Variants in ADAM12 observed in about 807,000 individuals in gnomAD.
ADAM12 encodes ADAM metallopeptidase domain 12.
In ADAM12, 70 loss-of-function variants were observed where a neutral mutation model predicts 106.4. The observed-to-expected ratio is 0.66, with a 90% CI of 0.54 to 0.80. The LOEUF (loss-of-function observed/expected upper bound fraction) is 0.80, where lower values mean the gene tolerates loss of function less well. Ranked by LOEUF, ADAM12 falls within the 30% of genes least tolerant of loss-of-function variation. The pLI is 0.00. For missense variants in ADAM12, 1,010 were observed against 1,171.9 expected, an observed-to-expected ratio of 0.86 and a Z score of 2.02; for synonymous variants, 420 against 433.5, an observed-to-expected ratio of 0.97 and a Z score of 0.39.
intron 14 of ADAM12, among the ~76,000 whole-genome samples, chr10:126,051,536 C>CCCAT (rs61278142): frequency 0.088 from 10,465 of 118,644 alleles, 728 homozygotes; most frequent in Non-Finnish European, 0.13. Context: ...CAGCCAGCCA[C>CCCAT]CCATCCATCC....
intron 3 of ADAM12, among the ~76,000 whole-genome samples, chr10:126,194,664 A>G (rs1957564629): frequency 6.6e-6 from 1 of 152,246 alleles, no homozygotes; most frequent in African/African-American, 2.4e-5. Flanking sequence ...AGACCACTCA[A>G]TTGAAGGATA....
intron 6 of ADAM12, among the ~76,000 whole-genome samples, chr10:126,113,729 T>A (rs540057540): frequency 0.014 from 447 of 31,780 alleles, 17 homozygotes; most frequent in African/African-American, 0.059. Flanking sequence ...TATATATATA[T>A]ATAATATATT....
intron 17 of ADAM12, among the ~76,000 whole-genome samples, chr10:126,044,162 C>T (rs1954253117): frequency 6.6e-6 from 1 of 151,948 alleles, no homozygotes; most frequent in Non-Finnish European, 1.5e-5. Flanking sequence ...CAAGTCCAGG[C>T]ACGGTGGCTC....
At chr10:126,347,673 T>C (rs1855198627) in intron 1 of ADAM12, among the ~76,000 whole-genome samples, 1 of 152,266 alleles carries the variant, frequency 6.6e-6, no homozygotes, top group Non-Finnish European at 1.5e-5. Context: ...CATTTACTTA[T>C]CACTGAAATT....
At chr10:126,038,476 G>A in intron 19 of ADAM12, 127 bp from the exon 20 acceptor site, 4 of 646,024 alleles carry the variant, frequency 6.2e-6, no homozygotes, top group Non-Finnish European at 7.6e-6. Context: ...AACATGCAAA[G>A]GAAAAATTAC....
At chr10:126,229,630 C>T (rs369335733) in intron 3 of ADAM12, among the ~76,000 whole-genome samples, 5 of 129,752 alleles carry the variant, frequency 3.9e-5, no homozygotes, top group Non-Finnish European at 6.4e-5. Flanking sequence ...CCCTCTCCCC[C>T]TCTCTTCCTC....
At chr10:126,304,534 A>G (rs1055667339) in intron 2 of ADAM12, among the ~76,000 whole-genome samples, 27 of 152,282 alleles carry the variant, frequency 1.8e-4, no homozygotes, top group African/African-American at 5.0e-4. Flanking sequence ...CACTATAAGT[A>G]TAACAATGCA....
chr10:126,124,917 A>AAAAAAAAAAT, intron 5 of ADAM12, among the ~76,000 whole-genome samples: 1 of 151,074 alleles, frequency 6.6e-6, no homozygotes, highest in African/African-American at 2.4e-5. Context: ...AAAAAGAAAA[A>AAAAAAAAAAT]GAAAAGTGTT....
At chr10:126,318,315 C>T (rs1202985260) in intron 2 of ADAM12, among the ~76,000 whole-genome samples, 1 of 152,016 alleles carries the variant, frequency 6.6e-6, no homozygotes, top group Non-Finnish European at 1.5e-5. Context: ...CACCCACACA[C>T]TCACATATAC....
Position 126,039,284 on chromosome 10 carries a change from C to A in ADAM12, c.2240+10G>T, listed in dbSNP as rs772071053. 4 of 1,613,350 alleles carry A rather than the reference C, an allele frequency of 2.5e-6. No individual in the cohort carries two copies. In the African/African-American group the frequency reaches 5.3e-5, roughly 22 times the overall value. On this transcript the variant is annotated intron_variant, in intron 19 of 22. Coordinates refer to ENST00000448723, the MANE Select transcript of ADAM12 (RefSeq NM_001288973.2). ...TTTCTAGAACAGATGACAAGCTAAA[C>A]CCAGGGTACCTTAGTTTTTCAATGG...
chr10:126,168,794 G>A (rs1189128515), intron 3 of ADAM12, among the ~76,000 whole-genome samples: 1 of 152,036 alleles, frequency 6.6e-6, no homozygotes, highest in Non-Finnish European at 1.5e-5. Context: ...TGGCTCACAC[G>A]GGAATCCTAG....
intron 2 of ADAM12, among the ~76,000 whole-genome samples, chr10:126,287,741 C>T (rs1959938239): frequency 6.6e-6 from 1 of 152,100 alleles, no homozygotes; most frequent in Admixed American, 6.5e-5. Context: ...ACATCACCAC[C>T]TCAGAGAAGT....
chr10:126,151,228 T>C (rs1956723909), intron 4 of ADAM12, among the ~76,000 whole-genome samples: 1 of 152,192 alleles, frequency 6.6e-6, no homozygotes, highest in Non-Finnish European at 1.5e-5. Flanking sequence ...TGGATAATTT[T>C]ATTAAAAATC....
At chr10:126,387,931 C>G in intron 1 of ADAM12, 127 bp downstream of exon 1, 2 of 1,141,776 alleles carry the variant, frequency 1.8e-6, no homozygotes, top group Non-Finnish European at 2.2e-6. Flanking sequence ...AGCGCAAGCC[C>G]CGGGGCTCCG....
chr10:126,287,339 C>T (rs185424332), intron 2 of ADAM12, among the ~76,000 whole-genome samples: 1 of 152,272 alleles, frequency 6.6e-6, no homozygotes, highest in African/African-American at 2.4e-5. Context: ...GAAATGAAAA[C>T]ATGACTTATC....
intron 14 of ADAM12, among the ~76,000 whole-genome samples, chr10:126,052,892 AC>A (rs2133449073): frequency 6.6e-6 from 1 of 152,304 alleles, no homozygotes; most frequent in African/African-American, 2.4e-5. Context: ...GCTGAAACAC[AC>A]TGAGCCTTCT....
At chr10:126,304,366 A>T (rs1172369415) in intron 2 of ADAM12, among the ~76,000 whole-genome samples, 1 of 152,018 alleles carries the variant, frequency 6.6e-6, no homozygotes, top group East Asian at 1.9e-4. Flanking sequence ...ACCCAAACAG[A>T]TGGAAAAGTA....
At chr10:126,117,059 T>C (rs1313202216) in intron 6 of ADAM12, among the ~76,000 whole-genome samples, 2 of 152,246 alleles carry the variant, frequency 1.3e-5, no homozygotes, top group Admixed American at 1.3e-4. Flanking sequence ...TAAATTTTCT[T>C]GATTTCTTGT....
At chr10:126,036,872 C>G (rs1302658272) in intron 20 of ADAM12, among the ~76,000 whole-genome samples, 1 of 152,182 alleles carries the variant, frequency 6.6e-6, no homozygotes, top group Admixed American at 6.5e-5. Flanking sequence ...CTTCCTTCCT[C>G]TCTTTCTAAA....
Sources: gnomAD v4.1 joint callset for allele counts (sites outside exome capture counted in the v4.1 genomes callset) on GRCh38, gnomAD v4.1.1 for gene constraint, MANE v1.5 for transcripts, NCBI Gene and HGNC (gene_info 2026-07-23, HGNC 2026-07-21) for gene names.